PTPRN2: variants seen among roughly 807,000 people sequenced by gnomAD.
The protein encoded by PTPRN2 is protein tyrosine phosphatase receptor type N2.
In PTPRN2, 74 loss-of-function variants were observed where a neutral mutation model predicts 118.8. The observed-to-expected ratio is 0.62, with a 90% CI of 0.52 to 0.76. The LOEUF (loss-of-function observed/expected upper bound fraction) is 0.76. PTPRN2 is among the 30% of genes least tolerant of loss of function. The probability of loss-of-function intolerance (pLI) is 0.00; values close to 1 mark genes in which losing one functional copy is unlikely to be tolerated. For missense variants in PTPRN2, 1,481 were observed against 1,394.4 expected (o/e 1.06, Z -0.99); for synonymous variants, 641 against 608.0 (o/e 1.05, Z -0.80).
intron 2 of PTPRN2, among the ~76,000 whole-genome samples, chr7:158,457,594 C>T (rs559436498): frequency 2.2e-4 from 21 of 97,286 alleles, no homozygotes; most frequent in Admixed American, 2.1e-3. Context: ...GGTGCTACCT[C>T]GGCCTGCGGG....
chr7:157,588,579 C>A (rs900961674), intron 17 of PTPRN2, among the ~76,000 whole-genome samples: 1 of 152,214 alleles, frequency 6.6e-6, no homozygotes, highest in Non-Finnish European at 1.5e-5. Context: ...CTTGCTTCCC[C>A]GTGGGGAAGT....
Position 158,384,068 on chromosome 7 carries a change from T to C in PTPRN2, c.164-67136A>G, listed in dbSNP as rs113372224. Among the ~76,000 whole-genome samples the C allele has an allele frequency of 3.0e-4, 45 of 152,300 alleles. 1 individual carries two copies. Among genetic ancestry groups the C allele is most frequent in the African/African-American group, 1.1e-3 (44 of 41,554 alleles). ...TGCTTGAAGCATCCCGCGCATCCTC[T>C]GTCTCATCGCTGGTCATCCATGTCC... On this transcript the variant is annotated intron_variant, in intron 2 of 22. Coordinates refer to ENST00000389418, the MANE Select transcript of PTPRN2 (RefSeq NM_002847.5).
chr7:158,247,424 G>T (rs950269925), intron 3 of PTPRN2, among the ~76,000 whole-genome samples: 8 of 60,202 alleles, frequency 1.3e-4, no homozygotes, highest in African/African-American at 5.2e-4. Context: ...GGAAGGAGTG[G>T]CCAGGGGTGC....
chr7:157,665,918 G>A (rs920334895), intron 13 of PTPRN2, among the ~76,000 whole-genome samples: 8 of 152,134 alleles, frequency 5.3e-5, no homozygotes, highest in Admixed American at 6.5e-5. Context: ...CTCACTCATC[G>A]GTGGGAAGTG....
chr7:157,845,013 C>T lies in PTPRN2; in HGVS notation c.1788+53660G>A, dbSNP rs1051757533. Among the ~76,000 whole-genome samples the T allele has an allele frequency of 2.6e-5, 4 of 151,996 alleles. No homozygotes were observed. The highest frequency in any genetic ancestry group is 4.8e-5 in the African/African-American group (2 of 41,386). ...GCAAACCCTACAGATCGGTTGGGAT[C>T]CACCTGGTGACACCTGCCTTATCTT... On this transcript the variant is annotated intron_variant, in intron 12 of 22. Coordinates refer to ENST00000389418, the MANE Select transcript of PTPRN2 (RefSeq NM_002847.5). This position sits in a 1 kb window ranked among gnomAD's most constrained non-coding sequence, Gnocchi z 4.5.
chr7:158,099,835 T>C (rs1480753086), intron 10 of PTPRN2, among the ~76,000 whole-genome samples: 176 of 65,500 alleles, frequency 2.7e-3, no homozygotes, highest in Middle Eastern at 7.7e-3. Flanking sequence ...GGCTGCCTCC[T>C]CTTCCTCCCC....
At chr7:158,120,292 T>C (rs767474881) in intron 9 of PTPRN2, among the ~76,000 whole-genome samples, 6 of 152,182 alleles carry the variant, frequency 3.9e-5, no homozygotes, top group Non-Finnish European at 7.3e-5. Flanking sequence ...GCACAAATGT[T>C]AACGCTACTG....
rs118180433 is a variant in PTPRN2 at position 158,188,100 on chromosome 7, C to T, written c.549+4227G>A. On this transcript the variant is annotated intron_variant, in intron 5 of 22. Transcript: ENST00000389418. ...AGATGAACCCCCAGTGGCCCCGTCA[C>T]GAGCTCCCAACGGAAGGGATGTCCT... 4.1e-3 allele frequency among the ~76,000 whole-genome samples: 618 copies of T among 151,936 alleles called. 13 individuals carry two copies. In the East Asian group the frequency reaches 0.058, roughly 14 times the overall value.
At chr7:157,600,745 C>T (rs778623378) in intron 16 of PTPRN2, among the ~76,000 whole-genome samples, 6 of 152,146 alleles carry the variant, frequency 3.9e-5, no homozygotes, top group East Asian at 1.9e-4. Flanking sequence ...ATTTTTATAT[C>T]GTATTCTTAG....
At chr7:158,118,178 G>A (rs540572307) in intron 9 of PTPRN2, among the ~76,000 whole-genome samples, 3 of 152,130 alleles carry the variant, frequency 2.0e-5, no homozygotes, top group South Asian at 2.1e-4. Context: ...TTTAAGAAAC[G>A]AATAAATTTT....
chr7:157,567,673 T>A (rs183320099), intron 21 of PTPRN2, among the ~76,000 whole-genome samples: 128 of 152,246 alleles, frequency 8.4e-4, no homozygotes, highest in Non-Finnish European at 1.4e-3. Context: ...GAGAATGGGA[T>A]GTTACGGAAG....
Position 158,341,499 on chromosome 7 carries a change from C to T in PTPRN2, c.164-24567G>A, listed in dbSNP as rs1402515170. Among the ~76,000 whole-genome samples, 24 of 104,994 alleles carry T rather than the reference C, an allele frequency of 2.3e-4. 1 individual carries two copies. The highest frequency in any genetic ancestry group is 5.7e-4 in the South Asian group (2 of 3,498). 68.9% of individuals were successfully genotyped at this position (104,994 alleles called of 152,430 possible). A position where few individuals can be genotyped will look rare whatever the true frequency, so the allele number is the denominator to read the frequency against. On this transcript the variant is annotated intron_variant, in intron 2 of 22. Transcript: ENST00000389418. Reference sequence around the variant, plus strand: ...CACACTCTCACCATAATTGGTGACACGTGCAGACGTCACTCACACCCACAC... The same window carrying T: ...CACACTCTCACCATAATTGGTGACATGTGCAGACGTCACTCACACCCACAC...
chr7:158,240,579 C>A (rs753462497), intron 3 of PTPRN2, among the ~76,000 whole-genome samples: 14 of 152,152 alleles, frequency 9.2e-5, no homozygotes, highest in Admixed American at 3.9e-4. Context: ...TAGGTGTGTG[C>A]CACCACACCC....
chr7:158,070,665 TG>T (rs1316719274), intron 11 of PTPRN2, among the ~76,000 whole-genome samples: 1 of 116,124 alleles, frequency 8.6e-6, no homozygotes, highest in Non-Finnish European at 1.7e-5. Flanking sequence ...GAGGTGCTCC[TG>T]GTGGTGGAGG....
chr7:158,453,669 C>T (rs117022175), intron 2 of PTPRN2, among the ~76,000 whole-genome samples: 84 of 152,296 alleles, frequency 5.5e-4, no homozygotes, highest in Non-Finnish European at 1.1e-3. Context: ...CTATATTACT[C>T]GGCTTTTAAG....
intron 2 of PTPRN2, among the ~76,000 whole-genome samples, chr7:158,447,604 C>A (rs538449092): frequency 1.8e-4 from 28 of 152,244 alleles, no homozygotes; most frequent in Non-Finnish European, 1.0e-4. Flanking sequence ...TCTTCCCCAC[C>A]TCTCCAGGAA....
At chr7:158,123,530 C>G (rs1015455917) in intron 9 of PTPRN2, among the ~76,000 whole-genome samples, 38 of 152,170 alleles carry the variant, frequency 2.5e-4, no homozygotes, top group Non-Finnish European at 5.3e-4. Flanking sequence ...CCAAACTGAA[C>G]CTTCCTCCTG....
chr7:157,586,049 G>A (rs1800654544), intron 17 of PTPRN2, among the ~76,000 whole-genome samples: 1 of 152,098 alleles, frequency 6.6e-6, no homozygotes, highest in Admixed American at 6.5e-5. Context: ...AAAGGTTCGT[G>A]AATTTATGAA....
chr7:157,817,615 A>G (rs1298517068), intron 12 of PTPRN2, among the ~76,000 whole-genome samples: 1 of 152,178 alleles, frequency 6.6e-6, no homozygotes, highest in Non-Finnish European at 1.5e-5. Context: ...GGACCTGTCG[A>G]CCAGGGACAC....
Sources: gnomAD v4.1 joint callset for allele counts (sites outside exome capture counted in the v4.1 genomes callset) on GRCh38, gnomAD v4.1.1 for gene constraint, Gnocchi (gnomAD v3.1) non-coding constraint, MANE v1.5 for transcripts, NCBI Gene and HGNC (gene_info 2026-07-23, HGNC 2026-07-21) for gene names.